Variants in GABRG3 observed in about 807,000 individuals in gnomAD.
GABRG3 encodes the protein gamma-aminobutyric acid type A receptor subunit gamma3.
GABRG3 carries 25 observed loss-of-function variants against 48.8 expected under a neutral mutation model. The observed-to-expected ratio is 0.51, with a 90% confidence interval of 0.37 to 0.72. The LOEUF (loss-of-function observed/expected upper bound fraction) is 0.72, where lower values mean the gene tolerates loss of function less well. Among genes scored for constraint, GABRG3 ranks in the 30% least tolerant of loss-of-function variants. The probability of loss-of-function intolerance (pLI) is 0.00; values close to 1 mark genes in which losing one functional copy is unlikely to be tolerated. For missense variants in GABRG3, 394 were observed against 577.9 expected, an observed-to-expected ratio of 0.68 and a Z score of 3.26; for synonymous variants, 227 against 217.6, an observed-to-expected ratio of 1.04 and a Z score of -0.38.
At chr15:27,335,204 A>T (rs868541439) in intron 5 of GABRG3, among the ~76,000 whole-genome samples, 3 of 152,200 alleles carry the variant, frequency 2.0e-5, no homozygotes, top group South Asian at 4.1e-4. Flanking sequence ...ACCCATTGGT[A>T]GACAAGACCC....
chr15:27,185,378 C>T (rs568400547), intron 3 of GABRG3, among the ~76,000 whole-genome samples: 5 of 152,198 alleles, frequency 3.3e-5, no homozygotes, highest in Middle Eastern at 3.4e-3. Context: ...TCTTTTGACT[C>T]GTTATGGTCA....
chr15:27,414,672 A>G (rs1887891233), intron 5 of GABRG3, among the ~76,000 whole-genome samples: 1 of 152,104 alleles, frequency 6.6e-6, no homozygotes, highest in African/African-American at 2.4e-5. Flanking sequence ...GTTGTGACTA[A>G]GTTATCTGGC....
chr15:26,991,484 G>C (rs537249618), intron 2 of GABRG3, among the ~76,000 whole-genome samples: 1 of 151,816 alleles, frequency 6.6e-6, no homozygotes, highest in Admixed American at 6.6e-5. Flanking sequence ...ATTTTGATAG[G>C]GATTGCATTC....
At chr15:26,981,943 G>A (rs948741046) in intron 2 of GABRG3, among the ~76,000 whole-genome samples, 7 of 152,168 alleles carry the variant, frequency 4.6e-5, no homozygotes, top group Admixed American at 3.3e-4. Context: ...TTGAAGATGC[G>A]TGTCTAGTGC....
intron 3 of GABRG3, among the ~76,000 whole-genome samples, chr15:27,151,646 G>C (rs1331597564): frequency 2.0e-5 from 3 of 152,166 alleles, no homozygotes; most frequent in Non-Finnish European, 4.4e-5. Context: ...GGGAAAGAGA[G>C]TAAAGGGAGA....
At chr15:27,006,848 T>C (rs1895594766) in intron 2 of GABRG3, among the ~76,000 whole-genome samples, 1 of 128,934 alleles carries the variant, frequency 7.8e-6, no homozygotes, top group South Asian at 2.8e-4. Context: ...GTTTTTTTTT[T>C]CTTTTTTTTG....
intron 5 of GABRG3, among the ~76,000 whole-genome samples, chr15:27,387,075 C>A (rs1301896691): frequency 6.6e-6 from 1 of 152,176 alleles, no homozygotes; most frequent in East Asian, 1.9e-4. Context: ...ACTTGTGTAC[C>A]CTTTACCCAG....
rs1006970427 is a variant in GABRG3 at position 26,976,442 on chromosome 15, T to A, written c.54-560T>A. On this transcript the variant is annotated intron_variant, in intron 1 of 9. Transcript: ENST00000615808. This position sits in a 1 kb window ranked among gnomAD's most constrained non-coding sequence, Gnocchi z 7.8. ...TCGCTGTCCTTGCCTCCAATCTGAGTGCCGGCAAAGCAGACCCCCTCACAA... is the reference window on the plus strand; with the variant it reads ...TCGCTGTCCTTGCCTCCAATCTGAGAGCCGGCAAAGCAGACCCCCTCACAA... 5.9e-5 allele frequency among the ~76,000 whole-genome samples: 9 copies of A among 152,188 alleles called. No individual in the cohort carries two copies. The highest frequency in any genetic ancestry group is 2.2e-4 in the African/African-American group (9 of 41,440).
intron 3 of GABRG3, among the ~76,000 whole-genome samples, chr15:27,167,754 G>C (rs1248628666): frequency 1.3e-5 from 2 of 152,302 alleles, no homozygotes; most frequent in South Asian, 2.1e-4. Flanking sequence ...TGCACACCGG[G>C]AGAAAAGCTT....
intron 2 of GABRG3, among the ~76,000 whole-genome samples, chr15:27,003,629 C>G (rs1294049823): frequency 6.6e-6 from 1 of 152,230 alleles, no homozygotes; most frequent in Non-Finnish European, 1.5e-5. Flanking sequence ...CTTCTTTCTA[C>G]ACAGACATGG....
chr15:27,133,393 C>A (rs1897954681), intron 3 of GABRG3, among the ~76,000 whole-genome samples: 1 of 152,204 alleles, frequency 6.6e-6, no homozygotes. Flanking sequence ...AATGGAGACT[C>A]CCACTCCTGT....
intron 5 of GABRG3, among the ~76,000 whole-genome samples, chr15:27,425,597 C>T (rs779037819): frequency 4.6e-5 from 7 of 151,814 alleles, no homozygotes; most frequent in East Asian, 3.9e-4. Flanking sequence ...GGTGACAGAG[C>T]GAGACTCCAT....
At chr15:27,069,814 T>G (rs1288702090) in intron 3 of GABRG3, among the ~76,000 whole-genome samples, 1 of 152,236 alleles carries the variant, frequency 6.6e-6, no homozygotes, top group Non-Finnish European at 1.5e-5. Flanking sequence ...TTGAAACACA[T>G]GCAAAAATCA....
At chr15:27,217,923 A>C (rs540394145) in intron 3 of GABRG3, among the ~76,000 whole-genome samples, 13 of 152,238 alleles carry the variant, frequency 8.5e-5, no homozygotes, top group Non-Finnish European at 4.4e-5. Flanking sequence ...GGTGAACTGC[A>C]AACCAGCCGC....
chr15:27,529,679 G>T (rs925113897), intron 9 of GABRG3, among the ~76,000 whole-genome samples: 1 of 152,086 alleles, frequency 6.6e-6, no homozygotes, highest in African/African-American at 2.4e-5. Context: ...GAACATAACA[G>T]ATTTTGCCAA....
At chr15:27,371,043 AC>A (rs1391090968) in intron 5 of GABRG3, among the ~76,000 whole-genome samples, 6 of 152,252 alleles carry the variant, frequency 3.9e-5, no homozygotes, top group African/African-American at 1.2e-4. Flanking sequence ...TGACTTGGGT[AC>A]CCTCATTAAT....
At chr15:27,463,515 C>T (rs968781893) in intron 5 of GABRG3, among the ~76,000 whole-genome samples, 1 of 152,140 alleles carries the variant, frequency 6.6e-6, no homozygotes, top group Non-Finnish European at 1.5e-5. Flanking sequence ...ACTCCCTGGC[C>T]CTCATTCACA....
intron 5 of GABRG3, among the ~76,000 whole-genome samples, chr15:27,392,161 T>C (rs538186692): frequency 6.6e-6 from 1 of 152,318 alleles, no homozygotes; most frequent in East Asian, 1.9e-4. Context: ...GTACCATACA[T>C]TTATCAAGAT....
intron 3 of GABRG3, among the ~76,000 whole-genome samples, chr15:27,228,545 T>A (rs1457701320): frequency 6.6e-6 from 1 of 152,222 alleles, no homozygotes; most frequent in Non-Finnish European, 1.5e-5. Flanking sequence ...TGTGTCTTTA[T>A]GGTGGAATGA....
Sources: allele counts gnomAD v4.1 joint callset (sites outside exome capture counted in the v4.1 genomes callset), GRCh38; gene constraint gnomAD v4.1.1; non-coding constraint Gnocchi (gnomAD v3.1); transcripts MANE v1.5; gene names NCBI Gene and HGNC (gene_info 2026-07-23, HGNC 2026-07-21).